UBN2: variants seen among roughly 807,000 people sequenced by gnomAD.
UBN2 encodes ubinuclein 2.
In UBN2, 35 loss-of-function variants were observed where a neutral mutation model predicts 120.2. That is an observed-to-expected ratio of 0.29 (90% confidence interval 0.22 to 0.39). The LOEUF (loss-of-function observed/expected upper bound fraction) is 0.39, where lower values mean the gene tolerates loss of function less well. Among genes scored for constraint, UBN2 ranks in the 10% least tolerant of loss-of-function variants. The pLI is 1.00. For synonymous variants in UBN2, 661 were observed against 648.7 expected (o/e 1.02, Z -0.29); for missense variants, 1,693 against 1,663.2 (o/e 1.02, Z -0.31).
chr7:139,303,952 T>C lies in UBN2; in HGVS notation c.*6116T>C, dbSNP rs1334458869. ...GTGGAGCTAAAGTTAGATAAAGTTA[T>C]GATGCTTGGTTATTGGAGTTGATAA... is the stretch of plus-strand genomic sequence containing the variant. On this transcript the variant is annotated 3_prime_UTR_variant, in exon 18 of 18. Transcript: ENST00000473989. 2 of 152,228 alleles carry C rather than the reference T, an allele frequency of 1.3e-5. No individual in the cohort carries two copies. The highest frequency in any genetic ancestry group is 1.3e-4 in the Admixed American group (2 of 15,280). 9.4% of individuals were successfully genotyped at this position (152,228 alleles called of 1,614,324 possible). A position where few individuals can be genotyped will look rare whatever the true frequency, so the allele number is the denominator to read the frequency against.
chr7:139,290,612 T>G (rs962612331), intron 15 of UBN2, among the ~76,000 whole-genome samples: 3 of 152,208 alleles, frequency 2.0e-5, no homozygotes, highest in African/African-American at 7.2e-5. Flanking sequence ...TTTGGATATG[T>G]CAAGTTGGTG....
At chr7:139,266,226 CAAAAA>C (rs377760158) in intron 6 of UBN2, 102 bp from the exon 7 acceptor site, 845 of 343,972 alleles carry the variant, frequency 2.5e-3, no homozygotes, top group South Asian at 3.2e-3. Context: ...GGCCCTATCT[CAAAAA>C]AAAAAAAAAA....
intron 13 of UBN2, 56 bp downstream of exon 13, chr7:139,279,416 T>C: frequency 7.3e-7 from 1 of 1,375,776 alleles, no homozygotes; most frequent in Non-Finnish European, 1.0e-6. Context: ...TTGAAATACA[T>C]TCCTAAGATG....
intron 15 of UBN2, among the ~76,000 whole-genome samples, chr7:139,289,325 A>T (rs1182163357): frequency 6.6e-6 from 1 of 152,152 alleles, no homozygotes; most frequent in East Asian, 1.9e-4. Context: ...TGAAAGTGTA[A>T]AATGTTAGAC....
intron 15 of UBN2, among the ~76,000 whole-genome samples, chr7:139,292,767 G>A (rs1797996587): frequency 6.6e-6 from 1 of 152,104 alleles, no homozygotes; most frequent in Non-Finnish European, 1.5e-5. Context: ...TTTGGAGAAG[G>A]GCAGGTGAGG....
chr7:139,322,762 T>C, the UBN2 span, among the ~76,000 whole-genome samples: 1 of 151,826 alleles, frequency 6.6e-6, no homozygotes, highest in Non-Finnish European at 1.5e-5. Flanking sequence ...TCAGTCTCGA[T>C]CTCCTGACCT....
At chr7:139,263,029 T>C (rs1041115883) in intron 6 of UBN2, among the ~76,000 whole-genome samples, 11 of 152,192 alleles carry the variant, frequency 7.2e-5, no homozygotes, top group Admixed American at 2.6e-4. Context: ...TTTTGGCTGT[T>C]ACGAAGGTTA....
chr7:139,257,706 A>G (rs535695039), intron 3 of UBN2, among the ~76,000 whole-genome samples: 2 of 152,136 alleles, frequency 1.3e-5, no homozygotes, highest in South Asian at 2.1e-4. Context: ...GTGAGCCACC[A>G]TGCCCGGCCT....
Position 139,306,461 on chromosome 7 carries a change from A to C in UBN2, c.*8625A>C, listed in dbSNP as rs1798359535. On this transcript the variant is annotated 3_prime_UTR_variant, in exon 18 of 18. Transcript: ENST00000473989. ...AAAGTATTACTGTTATACATAGTTA[A>C]TTGGAAAGTTGGCCAACTTTGGTCA... is the stretch of plus-strand genomic sequence containing the variant. The C allele has an allele frequency of 3.3e-5, 5 of 152,338 alleles. No individual in the cohort carries two copies. In the South Asian group the frequency reaches 1.0e-3, roughly 32 times the overall value. The allele number at this position is 152,338 out of a possible 1,614,324, so 9.4% of individuals were successfully genotyped here.
chr7:139,294,263 A>G (rs561204452), intron 17 of UBN2, among the ~76,000 whole-genome samples: 1 of 152,342 alleles, frequency 6.6e-6, no homozygotes, highest in Admixed American at 6.5e-5. Context: ...ATGTACAGTA[A>G]TGATAGTAGT....
intron 2 of UBN2, among the ~76,000 whole-genome samples, chr7:139,245,558 CTAAT>C (rs1181160342): frequency 6.6e-6 from 1 of 152,188 alleles, no homozygotes; most frequent in Non-Finnish European, 1.5e-5. Flanking sequence ...TCCTAAATCT[CTAAT>C]TACCCATAAA....
chr7:139,240,216 A>G (rs1796278866), intron 2 of UBN2, among the ~76,000 whole-genome samples: 1 of 151,788 alleles, frequency 6.6e-6, no homozygotes, highest in South Asian at 2.1e-4. Context: ...CATTCTAATT[A>G]GAGATTGTAT....
intron 11 of UBN2, among the ~76,000 whole-genome samples, chr7:139,275,099 G>A (rs1797402122): frequency 6.6e-6 from 1 of 151,626 alleles, no homozygotes; most frequent in African/African-American, 2.4e-5. Context: ...CCAGCATGGT[G>A]AAACCCTGTA....
rs1280628556 is a variant in UBN2, at chr7:139,303,365, G to C, written c.*5529G>C. 1 of 152,152 alleles carries C rather than the reference G, an allele frequency of 6.6e-6. No homozygotes were observed. Among genetic ancestry groups the C allele is most frequent in the Admixed American group, 6.5e-5 (1 of 15,292 alleles). 9.4% of individuals were successfully genotyped at this position (152,152 alleles called of 1,614,324 possible). On this transcript the variant is annotated 3_prime_UTR_variant, in exon 18 of 18. Transcript: ENST00000473989. ...CAAGTTGAACCATCCCTCAGACCCAGTACAAATATACCTAGTAAGTGCCCC... is the reference window on the plus strand; with the variant it reads ...CAAGTTGAACCATCCCTCAGACCCACTACAAATATACCTAGTAAGTGCCCC...
chr7:139,253,164 TTATC>T (rs1796665861), intron 3 of UBN2, among the ~76,000 whole-genome samples: 1 of 152,110 alleles, frequency 6.6e-6, no homozygotes, highest in Non-Finnish European at 1.5e-5. Flanking sequence ...CATAATGTAT[TTATC>T]TACACCCATT....
chr7:139,301,093 C>T lies in UBN2; in HGVS notation c.*3257C>T, dbSNP rs913250506. The T allele has an allele frequency of 6.6e-6, 1 of 152,122 alleles. No homozygotes were observed. The highest frequency in any genetic ancestry group is 2.1e-4 in the South Asian group (1 of 4,826). 9.4% of individuals were successfully genotyped at this position (152,122 alleles called of 1,614,324 possible). A position where few individuals can be genotyped will look rare whatever the true frequency, so the allele number is the denominator to read the frequency against. On this transcript the variant is annotated 3_prime_UTR_variant, in exon 18 of 18. Transcript: ENST00000473989. ...TAGTGCATTCTTTTGTGCCCACCCC[C>T]CCTCTGATGGATGTTGTTAGCCCAA...
intron 5 of UBN2, among the ~76,000 whole-genome samples, chr7:139,260,039 G>A (rs1308695766): frequency 6.6e-6 from 1 of 151,796 alleles, no homozygotes; most frequent in Non-Finnish European, 1.5e-5. Flanking sequence ...AAAGTGCTCG[G>A]ATTACAGATG....
In UBN2 at chr7:139,306,356, C is replaced by CT. The variant is rs1435624253; in HGVS notation, c.*8523dup. The CT allele has an allele frequency of 6.6e-6, 1 of 152,160 alleles. No homozygotes were observed. Among genetic ancestry groups the CT allele is most frequent in the East Asian group, 1.9e-4 (1 of 5,202 alleles). 9.4% of individuals were successfully genotyped at this position (152,160 alleles called of 1,614,324 possible). ...GCCCTCTGTCAGAAAATTGGGTTTT[C>CT]TTTACTATACCTGCAAAATTACCAA... On this transcript the variant is annotated 3_prime_UTR_variant, in exon 18 of 18. Transcript: ENST00000473989.
At chr7:139,268,011 C>T (rs143306577) in intron 7 of UBN2, among the ~76,000 whole-genome samples, 22 of 152,284 alleles carry the variant, frequency 1.4e-4, no homozygotes, top group African/African-American at 5.3e-4. Context: ...CCTGGGAACC[C>T]GAAGTGTGAT....
Sources: gnomAD v4.1 joint callset for allele counts (sites outside exome capture counted in the v4.1 genomes callset) on GRCh38, gnomAD v4.1.1 for gene constraint, MANE v1.5 for transcripts, NCBI Gene and HGNC (gene_info 2026-07-23, HGNC 2026-07-21) for gene names.